DSCAM: variants seen among roughly 807,000 people sequenced by gnomAD.
DSCAM encodes cell adhesion molecule DSCAM.
A neutral mutation model predicts 217.7 loss-of-function variants in DSCAM; 47 were observed. The ratio of observed to expected loss-of-function variants is 0.22; its 90% CI spans 0.17 to 0.28. The LOEUF (loss-of-function observed/expected upper bound fraction) is 0.28. Among genes scored for constraint, DSCAM ranks in the 10% least tolerant of loss-of-function variants. The pLI is 1.00. For synonymous variants in DSCAM, 1,056 were observed against 1,015.3 expected (o/e 1.04, Z -0.76); for missense variants, 2,080 against 2,618.3 (o/e 0.79, Z 4.49).
At chr21:40,684,537 C>A (rs547001156) in intron 3 of DSCAM, among the ~76,000 whole-genome samples, 3 of 152,302 alleles carry the variant, frequency 2.0e-5, no homozygotes, top group African/African-American at 7.2e-5. Context: ...CAGCCCAGAG[C>A]AAAGGACACA....
Position 40,248,295 on chromosome 21 carries a change from C to T in DSCAM, c.2356+27802G>A, listed in dbSNP as rs150941406. On this transcript the variant is annotated intron_variant, in intron 11 of 32. Coordinates refer to ENST00000400454, the MANE Select transcript of DSCAM (RefSeq NM_001389.5). ...TCCTCAGAAGATGGCATTTTCTTTTCTATCACATTGTCAGGCTGCAAATTT... is the reference window on the plus strand; with the variant it reads ...TCCTCAGAAGATGGCATTTTCTTTTTTATCACATTGTCAGGCTGCAAATTT... Among the ~76,000 whole-genome samples, 705 of 152,340 alleles carry T rather than the reference C, an allele frequency of 4.6e-3. 5 individuals carry two copies. The highest frequency in any genetic ancestry group is 0.023 in the South Asian group (111 of 4,822).
At chr21:40,442,757 G>A (rs536024400) in intron 3 of DSCAM, among the ~76,000 whole-genome samples, 1 of 151,964 alleles carries the variant, frequency 6.6e-6, no homozygotes, top group Non-Finnish European at 1.5e-5. Flanking sequence ...TGATCTGCCC[G>A]CCTCGGCCTC....
chr21:40,739,606 A>G (rs2091101457), intron 1 of DSCAM, among the ~76,000 whole-genome samples: 1 of 152,148 alleles, frequency 6.6e-6, no homozygotes, highest in Non-Finnish European at 1.5e-5. Context: ...ACTTAATGAC[A>G]TTATTTTAAC....
Position 40,494,825 on chromosome 21 carries a change from T to G in DSCAM, c.509-125580A>C, listed in dbSNP as rs754876384. On this transcript the variant is annotated intron_variant, in intron 3 of 32. Transcript: ENST00000400454. ...AAAGATCAACAAAACTAAAGTTGGG[T>G]TTTTTTTTTTCAAAAATAGAACCAA... Among the ~76,000 whole-genome samples, 33 of 99,102 alleles carry G rather than the reference T, an allele frequency of 3.3e-4. 1 individual carries two copies. The highest frequency in any genetic ancestry group is 6.0e-4 in the Non-Finnish European group (25 of 42,016). 65.0% of individuals were successfully genotyped at this position (99,102 alleles called of 152,430 possible).
chr21:40,495,449 T>A (rs532561729), intron 3 of DSCAM, among the ~76,000 whole-genome samples: 1 of 152,156 alleles, frequency 6.6e-6, no homozygotes, highest in Non-Finnish European at 1.5e-5. Context: ...TGCATCTCAA[T>A]AGATGCAGAA....
chr21:40,845,495 A>C (rs1601339523), intron 1 of DSCAM, among the ~76,000 whole-genome samples: 2 of 149,868 alleles, frequency 1.3e-5, no homozygotes, highest in South Asian at 2.1e-4. Context: ...TTTTCTCACA[A>C]GGGCCAGATT....
At chr21:40,328,347 C>A (rs1374424666) in intron 8 of DSCAM, among the ~76,000 whole-genome samples, 1 of 151,980 alleles carries the variant, frequency 6.6e-6, no homozygotes, top group African/African-American at 2.4e-5. Context: ...TGATTTTTAA[C>A]AAAGGAGCCA....
At chr21:40,776,152 T>C (rs1049158822) in intron 1 of DSCAM, among the ~76,000 whole-genome samples, 2 of 152,198 alleles carry the variant, frequency 1.3e-5, no homozygotes, top group African/African-American at 4.8e-5. Context: ...TTCTCGATGA[T>C]GTTTTTATGT....
intron 1 of DSCAM, among the ~76,000 whole-genome samples, chr21:40,761,923 A>T (rs2091339345): frequency 6.6e-6 from 1 of 152,244 alleles, no homozygotes; most frequent in Non-Finnish European, 1.5e-5. Context: ...GAGAACAAAG[A>T]TACAGTGTAC....
chr21:40,257,290 T>C (rs2073385351), intron 11 of DSCAM, among the ~76,000 whole-genome samples: 1 of 152,246 alleles, frequency 6.6e-6, no homozygotes, highest in Admixed American at 6.5e-5. Context: ...AGACTACATA[T>C]GAAACCTAAT....
chr21:40,072,138 C>A (rs1292803237), intron 27 of DSCAM, among the ~76,000 whole-genome samples: 1 of 152,138 alleles, frequency 6.6e-6, no homozygotes, highest in Admixed American at 6.5e-5. Flanking sequence ...TCTCTAGGAC[C>A]TGGCTAAACT....
intron 3 of DSCAM, among the ~76,000 whole-genome samples, chr21:40,676,837 T>A (rs1453015527): frequency 1.3e-5 from 2 of 152,198 alleles, no homozygotes; most frequent in Admixed American, 1.3e-4. Context: ...ATAACTTTTT[T>A]AAAGAACAAA....
chr21:40,457,112 A>G (rs1452403097), intron 3 of DSCAM, among the ~76,000 whole-genome samples: 1 of 152,178 alleles, frequency 6.6e-6, no homozygotes, highest in Non-Finnish European at 1.5e-5. Flanking sequence ...TAAATACTGG[A>G]AAAACCAATA....
intron 30 of DSCAM, among the ~76,000 whole-genome samples, chr21:40,046,801 T>C (rs998126636): frequency 5.9e-5 from 9 of 151,880 alleles, no homozygotes; most frequent in African/African-American, 2.2e-4. Flanking sequence ...AGTTTGCTAG[T>C]CCCACTTCAA....
At chr21:40,357,781 C>T (rs2074711058) in intron 4 of DSCAM, among the ~76,000 whole-genome samples, 1 of 151,684 alleles carries the variant, frequency 6.6e-6, no homozygotes, top group South Asian at 2.1e-4. Context: ...TTAATGGGTG[C>T]AGCACAACAA....
intron 1 of DSCAM, among the ~76,000 whole-genome samples, chr21:40,766,107 G>A (rs538322110): frequency 7.9e-5 from 12 of 152,274 alleles, no homozygotes; most frequent in East Asian, 1.9e-4. Flanking sequence ...AATTGCGGCC[G>A]TTTCCCTCCT....
At chr21:40,042,170 C>G (rs752499194) in intron 32 of DSCAM, among the ~76,000 whole-genome samples, 1 of 152,132 alleles carries the variant, frequency 6.6e-6, no homozygotes, top group Admixed American at 6.5e-5. Flanking sequence ...TAGGTCCCGC[C>G]CAAATTTCAG....
At chr21:40,534,507 T>A (rs73902672) in intron 3 of DSCAM, among the ~76,000 whole-genome samples, 2 of 152,124 alleles carry the variant, frequency 1.3e-5, no homozygotes, top group Non-Finnish European at 2.9e-5. Flanking sequence ...CTTGGGGTGA[T>A]CCATGTGTGT....
rs555162848 is a variant in DSCAM, at chr21:40,015,245, C to T, written c.5687-1859G>A. On this transcript the variant is annotated intron_variant, in intron 32 of 32. Coordinates refer to ENST00000400454, the MANE Select transcript of DSCAM (RefSeq NM_001389.5). ...TGGAATTCTGAAGGCCACAGTCTAC[C>T]AATTCAGTTAATGAAGGCCAACCCC... Among the ~76,000 whole-genome samples, 215 of 152,210 alleles carry T rather than the reference C, an allele frequency of 1.4e-3. 1 individual carries two copies. The highest frequency in any genetic ancestry group is 4.9e-3 in the African/African-American group (202 of 41,530).
Sources: gnomAD v4.1 joint callset for allele counts (sites outside exome capture counted in the v4.1 genomes callset) on GRCh38, gnomAD v4.1.1 for gene constraint, MANE v1.5 for transcripts, NCBI Gene and HGNC (gene_info 2026-07-23, HGNC 2026-07-21) for gene names.